The following UBE4A variants were observed in gnomAD, a reference collection of about 807,000 sequenced individuals.
UBE4A encodes ubiquitin conjugation factor E4 A.
A neutral mutation model predicts 117.9 loss-of-function variants in UBE4A; 48 were observed. The observed-to-expected ratio is 0.41, with a 90% confidence interval of 0.32 to 0.52. UBE4A has a LOEUF of 0.52. UBE4A is among the 20% of genes least tolerant of loss of function. UBE4A has a pLI of 0.33. For missense variants in UBE4A, 1,067 were observed against 1,296.3 expected (o/e 0.82, Z 2.72); for synonymous variants, 407 against 450.0 (o/e 0.90, Z 1.21).
intron 18 of UBE4A, among the ~76,000 whole-genome samples, chr11:118,391,800 GAAAA>G (rs11445365): frequency 1.4e-5 from 2 of 138,832 alleles, no homozygotes; most frequent in African/African-American, 5.2e-5. Context: ...TCTCAAAAAA[GAAAA>G]AAAAAAAAAT....
chr11:118,365,245 G>A, intron 2 of UBE4A, 44 bp downstream of exon 2: 1 of 1,493,786 alleles, frequency 6.7e-7, no homozygotes, highest in Non-Finnish European at 8.9e-7. Context: ...GACCTAGAAT[G>A]GGGTCTTCCC....
chr11:118,373,853 T>A, intron 8 of UBE4A, 168 bp downstream of exon 8: 1 of 533,900 alleles, frequency 1.9e-6, no homozygotes, highest in Non-Finnish European at 2.4e-6. Flanking sequence ...AAGCCTGTAA[T>A]CCCGGCACTT....
At chr11:118,367,447 C>T (rs1213506784) in intron 2 of UBE4A, among the ~76,000 whole-genome samples, 1 of 151,648 alleles carries the variant, frequency 6.6e-6, no homozygotes, top group African/African-American at 2.4e-5. Context: ...AACAGGCACT[C>T]TCTCATATAC....
Position 118,390,865 on chromosome 11 carries a change from G to A in UBE4A, c.2916+61G>A, listed in dbSNP as rs1948809158. 2.5e-6 allele frequency: 4 copies of A among 1,584,354 alleles called. No individual in the cohort carries two copies. In the East Asian group the frequency reaches 9.3e-5, roughly 37 times the overall value. ...AAGAACCACGTTGTCAGCCAGGCAT[G>A]ATGGCTCAAGCCTGTAGTCCCAGCT... On this transcript the variant is annotated intron_variant, in intron 18 of 19. Coordinates refer to ENST00000252108, the MANE Select transcript of UBE4A (RefSeq NM_001204077.2).
In UBE4A at chr11:118,373,374, C is replaced by G; in HGVS notation, c.924+86C>G. The G allele has an allele frequency of 2.0e-6, 3 of 1,530,788 alleles. No individual in the cohort carries two copies. The Middle Eastern group carries it at 7.2e-4, about 367-fold the overall frequency. The allele number at this position is 1,530,788 out of a possible 1,614,324, so 94.8% of individuals were successfully genotyped here. On this transcript the variant is annotated intron_variant, in intron 7 of 19. Coordinates refer to ENST00000252108, the MANE Select transcript of UBE4A (RefSeq NM_001204077.2). ...TATCCTGAAGACACTATAATACTACCTATAAAATAAGAAAAAGATAGCTTG... is the reference window on the plus strand; with the variant it reads ...TATCCTGAAGACACTATAATACTACGTATAAAATAAGAAAAAGATAGCTTG...
chr11:118,383,412 G>A (rs569822918), intron 13 of UBE4A, among the ~76,000 whole-genome samples: 6 of 151,936 alleles, frequency 3.9e-5, no homozygotes, highest in African/African-American at 1.2e-4. Flanking sequence ...TGGCCAACAT[G>A]GTGAAACCCA....
At chr11:118,393,608 A>G (rs1386723477) in intron 19 of UBE4A, among the ~76,000 whole-genome samples, 1 of 147,996 alleles carries the variant, frequency 6.8e-6, no homozygotes, top group Non-Finnish European at 1.5e-5. Flanking sequence ...CTGTTTTTTT[A>G]TTTTTGCGAC....
Position 118,361,005 on chromosome 11 carries a change from TGTA to T in UBE4A, c.-42+1332_-42+1334del, listed in dbSNP as rs1159808393. ...GTATATATGTGTGTGTGTGTGTGTGTGTATTTTTTTTTTTTTTTTTTTGAGACA... is the reference window on the plus strand; with the variant it reads ...GTATATATGTGTGTGTGTGTGTGTGTTTTTTTTTTTTTTTTTTTTGAGACA... On this transcript the variant is annotated intron_variant, in intron 1 of 19. Coordinates refer to ENST00000252108, the MANE Select transcript of UBE4A (RefSeq NM_001204077.2). 2.9e-5 allele frequency among the ~76,000 whole-genome samples: 4 copies of T among 140,036 alleles called. No individual in the cohort carries two copies. The South Asian group carries it at 8.2e-4, about 29-fold the overall frequency. 91.9% of individuals were successfully genotyped at this position (140,036 alleles called of 152,430 possible). A position where few individuals can be genotyped will look rare whatever the true frequency, so the allele number is the denominator to read the frequency against.
intron 4 of UBE4A, among the ~76,000 whole-genome samples, chr11:118,369,998 A>G (rs1236223996): frequency 6.6e-6 from 1 of 152,048 alleles, no homozygotes; most frequent in Non-Finnish European, 1.5e-5. Flanking sequence ...AGGCTGAGGC[A>G]GGAGAATGGT....
intron 13 of UBE4A, 46 bp from the exon 14 acceptor site, chr11:118,384,589 C>G (rs781997307): frequency 1.0e-5 from 16 of 1,551,866 alleles, no homozygotes; most frequent in Non-Finnish European, 1.1e-5. Flanking sequence ...AACTCTTCCT[C>G]TTATGGCACC....
chr11:118,372,319 C>T (rs537798068), intron 5 of UBE4A, among the ~76,000 whole-genome samples, 188 bp from the exon 6 acceptor site: 27 of 152,190 alleles, frequency 1.8e-4, no homozygotes, highest in South Asian at 1.2e-3. Flanking sequence ...TAGGCTAAGC[C>T]GGATATTTCC....
intron 11 of UBE4A, 103 bp downstream of exon 11, chr11:118,379,853 T>A: frequency 2.2e-6 from 3 of 1,346,938 alleles, no homozygotes; most frequent in Non-Finnish European, 3.0e-6. Context: ...TCGTTATCAT[T>A]CAGTTGTTTT....
At position 118,396,466 on chromosome 11, in the gene UBE4A, C is replaced by G. The variant is rs782183742; in HGVS notation, c.*26C>G. Reference sequence around the variant, plus strand: ...ATACTGTGAACTAACCAAACCAAAACCAACCCCAGAGTGCAGATAAACAAT... The same window carrying G: ...ATACTGTGAACTAACCAAACCAAAAGCAACCCCAGAGTGCAGATAAACAAT... On this transcript the variant is annotated 3_prime_UTR_variant, in exon 20 of 20. Transcript: ENST00000252108. 40 of 1,606,896 alleles carry G rather than the reference C, an allele frequency of 2.5e-5. No homozygotes were observed. The highest frequency in any genetic ancestry group is 1.0e-4 in the Admixed American group (6 of 59,216).
At chr11:118,381,126 G>A (rs1309612723) in intron 11 of UBE4A, among the ~76,000 whole-genome samples, 1 of 152,134 alleles carries the variant, frequency 6.6e-6, no homozygotes, top group Non-Finnish European at 1.5e-5. Context: ...AGTTAACCTT[G>A]AGAGTAAAAA....
chr11:118,361,789 G>C (rs1009480493), intron 1 of UBE4A, among the ~76,000 whole-genome samples: 3 of 152,212 alleles, frequency 2.0e-5, no homozygotes, highest in Non-Finnish European at 4.4e-5. Context: ...AGGGTCATGG[G>C]TGATGCTGTT....
intron 13 of UBE4A, 143 bp downstream of exon 13, chr11:118,382,919 C>CA: frequency 6.2e-6 from 3 of 485,598 alleles, no homozygotes; most frequent in Non-Finnish European, 9.3e-6. Flanking sequence ...ATGATAAGTG[C>CA]TTTTTTTTTT....
At chr11:118,390,480 AAAT>A (rs201164788) in intron 17 of UBE4A, among the ~76,000 whole-genome samples, 174 bp from the exon 18 acceptor site, 296 of 145,532 alleles carry the variant, frequency 2.0e-3, no homozygotes, top group African/African-American at 7.1e-3. Context: ...TATAAATAAT[AAAT>A]AATAAAATAA....
In UBE4A at chr11:118,379,597, A is replaced by ATG; in HGVS notation, c.1724_1725dup (p.Thr576Ter). 1 of 1,614,272 alleles carries ATG rather than the reference A, an allele frequency of 6.2e-7. No individual in the cohort carries two copies. The highest frequency in any genetic ancestry group is 8.5e-7 in the Non-Finnish European group (1 of 1,180,046). On this transcript the variant is annotated frameshift_variant, in exon 11 of 20. Transcript: ENST00000252108. LOFTEE classifies it high-confidence loss of function. ...CATCTATCTTTCTACCAAGACTGCC[A>ATG]TGACAGAGCCACAAATGCTACAAAA...
intron 15 of UBE4A, among the ~76,000 whole-genome samples, chr11:118,385,573 C>T (rs1052201135): frequency 6.6e-6 from 1 of 152,094 alleles, no homozygotes; most frequent in African/African-American, 2.4e-5. Context: ...CTTAACCTTC[C>T]CTGGTGGAAC....
Sources: gnomAD v4.1 joint callset for allele counts (sites outside exome capture counted in the v4.1 genomes callset) on GRCh38, gnomAD v4.1.1 for gene constraint, MANE v1.5 for transcripts, NCBI Gene and HGNC (gene_info 2026-07-23, HGNC 2026-07-21) for gene names.